The following SCEL variants were observed in gnomAD, a reference collection of about 807,000 sequenced individuals.
SCEL encodes the protein sciellin.
Under a neutral mutation model 117.6 loss-of-function variants are expected in SCEL, and 113 were observed. The ratio of observed to expected loss-of-function variants is 0.96; its 90% CI spans 0.83 to 1.12. The LOEUF is 1.12. Ranked by LOEUF, SCEL falls within the 50% of genes most tolerant of loss-of-function variation. The pLI, the probability that SCEL is intolerant of heterozygous loss-of-function variation, is 0.00. For synonymous variants in SCEL, 270 were observed against 256.2 expected, an observed-to-expected ratio of 1.05 and a Z score of -0.51; for missense variants, 785 against 810.8, an observed-to-expected ratio of 0.97 and a Z score of 0.39.
chr13:77,570,749 A>T (rs1177713130), intron 8 of SCEL, among the ~76,000 whole-genome samples: 1 of 152,186 alleles, frequency 6.6e-6, no homozygotes, highest in Non-Finnish European at 1.5e-5. Context: ...TGATGTGAGG[A>T]CATCTTTCTA....
chr13:77,584,068 G>T (rs888756640), intron 9 of SCEL, among the ~76,000 whole-genome samples: 1 of 152,214 alleles, frequency 6.6e-6, no homozygotes, highest in Non-Finnish European at 1.5e-5. Flanking sequence ...GGGGTCTGGG[G>T]ATGGGTGAAG....
chr13:77,600,573 GT>G (rs2087600063), intron 15 of SCEL, among the ~76,000 whole-genome samples: 1 of 151,984 alleles, frequency 6.6e-6, no homozygotes, highest in Non-Finnish European at 1.5e-5. Context: ...CATAAAATGG[GT>G]TAATTGATGA....
chr13:77,547,890 G>A (rs1815824975), intron 1 of SCEL, among the ~76,000 whole-genome samples: 1 of 152,142 alleles, frequency 6.6e-6, no homozygotes, highest in South Asian at 2.1e-4. Context: ...CTTCATCCCA[G>A]AACCTCTGGG....
intron 3 of SCEL, among the ~76,000 whole-genome samples, chr13:77,557,433 G>A (rs778234004): frequency 5.9e-5 from 9 of 152,076 alleles, no homozygotes; most frequent in Non-Finnish European, 1.3e-4. Flanking sequence ...TGATTTCTTT[G>A]TTATTAAGCT....
chr13:77,610,952 T>A (rs1409129926), intron 22 of SCEL, among the ~76,000 whole-genome samples: 1 of 152,188 alleles, frequency 6.6e-6, no homozygotes, highest in Non-Finnish European at 1.5e-5. Context: ...CACCAGCTTG[T>A]AAATGTATAT....
intron 1 of SCEL, among the ~76,000 whole-genome samples, chr13:77,549,099 A>G (rs1469222330): frequency 6.6e-6 from 1 of 152,206 alleles, no homozygotes; most frequent in Non-Finnish European, 1.5e-5. Flanking sequence ...ACCAGATCAT[A>G]TGGTAGTTCT....
chr13:77,566,448 C>T (rs559936003), intron 5 of SCEL, among the ~76,000 whole-genome samples: 48 of 149,232 alleles, frequency 3.2e-4, no homozygotes, highest in African/African-American at 1.1e-3. Context: ...GAGATCCCAC[C>T]GTTGGCATAT....
chr13:77,558,941 C>T (rs78442152), intron 3 of SCEL, among the ~76,000 whole-genome samples: 4,117 of 152,042 alleles, frequency 0.027, 153 homozygotes, highest in African/African-American at 0.093. Context: ...TTACTTTCTG[C>T]CTTGGCTCAA....
In SCEL at chr13:77,640,717, C is replaced by G. The variant is rs766282051; in HGVS notation, c.1880C>G (p.Pro627Arg). ...ERDMCTYCRK[P>R]LGVETKMILD... ...GATATGTGCACTTACTGCCGAAAAC[C>G]CTTGGGTGTAGAAACTAAAATGATT... The change falls in exon 31 of 33, where the codon CCC (proline) becomes CGC (arginine). Residue 627 changes from proline (P) to arginine (R), a missense_variant. By Grantham distance (103) the Pro-to-Arg change is moderately radical (BLOSUM62 -2). Transcript: ENST00000349847. 1.2e-6 allele frequency: 2 copies of G among 1,606,336 alleles called. No homozygotes were observed. Among genetic ancestry groups the G allele is most frequent in the South Asian group, 2.2e-5 (2 of 90,090 alleles).
intron 27 of SCEL, among the ~76,000 whole-genome samples, chr13:77,619,550 G>A (rs1350356415): frequency 6.6e-6 from 1 of 152,090 alleles, no homozygotes; most frequent in African/African-American, 2.4e-5. Context: ...CTCATACACA[G>A]TTAAAGGAGT....
chr13:77,573,911 A>G (rs997116676), intron 9 of SCEL, among the ~76,000 whole-genome samples: 5 of 152,192 alleles, frequency 3.3e-5, no homozygotes, highest in Non-Finnish European at 7.3e-5. Context: ...GTTATTAGAT[A>G]CTTCGCTATG....
chr13:77,579,971 C>G (rs2086177037), intron 9 of SCEL, among the ~76,000 whole-genome samples: 1 of 152,152 alleles, frequency 6.6e-6, no homozygotes, highest in African/African-American at 2.4e-5. Flanking sequence ...TGCATTTGTC[C>G]TTTATCAATT....
At chr13:77,617,406 A>G (rs2089134571) in intron 24 of SCEL, among the ~76,000 whole-genome samples, 193 bp from the exon 25 acceptor site, 2 of 152,104 alleles carry the variant, frequency 1.3e-5, no homozygotes, top group Non-Finnish European at 2.9e-5. Context: ...AAGAAAATGT[A>G]TGAAATTAGA....
chr13:77,600,647 A>C (rs2087603940), intron 15 of SCEL, among the ~76,000 whole-genome samples: 1 of 152,138 alleles, frequency 6.6e-6, no homozygotes, highest in Admixed American at 6.5e-5. Flanking sequence ...CTGATATACT[A>C]GATAATTGAC....
chr13:77,634,340 A>G, intron 28 of SCEL, 39 bp from the exon 29 acceptor site: 3 of 1,539,398 alleles, frequency 1.9e-6, no homozygotes, highest in Non-Finnish European at 2.7e-6. Flanking sequence ...ATCCTTGCAA[A>G]TAAACTTTAA....
At chr13:77,542,306 C>T (rs1174966178) in intron 1 of SCEL, among the ~76,000 whole-genome samples, 5 of 152,172 alleles carry the variant, frequency 3.3e-5, no homozygotes. Flanking sequence ...GAGGCTGAGG[C>T]AGGAGAATAG....
In SCEL at chr13:77,634,450, G is replaced by A. The variant is rs779600675; in HGVS notation, c.1763G>A (p.Ser588Asn). ...VVYTRTYVEN[S>N]KSPKDGYQEN... ...TACACAAGGACATATGTGGAGAATA[G>A]GTATTCAAAATTTATTTCAAATATA... The change falls in exon 29 of 33, where the codon AGT (serine) becomes AAT (asparagine). Residue 588 changes from serine to asparagine, a missense_variant and splice_region_variant. By Grantham distance (46) the Ser-to-Asn change is conservative. Transcript: ENST00000349847. The A allele has an allele frequency of 1.2e-6, 2 of 1,605,130 alleles. No individual in the cohort carries two copies. Among genetic ancestry groups the A allele is most frequent in the South Asian group, 2.2e-5 (2 of 90,232 alleles).
chr13:77,598,203 T>C (rs2087375931), intron 13 of SCEL, among the ~76,000 whole-genome samples: 2 of 152,154 alleles, frequency 1.3e-5, no homozygotes, highest in Admixed American at 1.3e-4. Context: ...TCATTTATAA[T>C]TGTATAACTT....
intron 30 of SCEL, among the ~76,000 whole-genome samples, chr13:77,638,376 TA>T (rs934926662): frequency 1.3e-5 from 2 of 151,888 alleles, no homozygotes; most frequent in African/African-American, 2.4e-5. Flanking sequence ...GATAGCCAAT[TA>T]AAAAAAACAG....
Sources: allele counts gnomAD v4.1 joint callset (sites outside exome capture counted in the v4.1 genomes callset), GRCh38; gene constraint gnomAD v4.1.1; transcripts MANE v1.5; gene names NCBI Gene and HGNC (gene_info 2026-07-23, HGNC 2026-07-21).